The following CCSER1 variants were observed in gnomAD, a reference collection of about 807,000 sequenced individuals.
CCSER1 encodes coiled-coil serine rich protein 1.
A neutral mutation model predicts 82.0 loss-of-function variants in CCSER1; 41 were observed. The observed-to-expected ratio is 0.50, with a 90% CI of 0.39 to 0.65. The LOEUF (loss-of-function observed/expected upper bound fraction) is 0.65, where lower values mean the gene tolerates loss of function less well. Among genes scored for constraint, CCSER1 ranks in the 30% least tolerant of loss-of-function variants. The pLI is 0.00. For synonymous variants in CCSER1, 414 were observed against 383.9 expected (o/e 1.08, Z -0.92); for missense variants, 1,119 against 1,064.2 (o/e 1.05, Z -0.72).
chr4:90,401,908 T>C (rs1173384237), intron 4 of CCSER1, among the ~76,000 whole-genome samples: 1 of 152,234 alleles, frequency 6.6e-6, no homozygotes, highest in East Asian at 1.9e-4. Flanking sequence ...CCAAACCCAC[T>C]GATCAATTCT....
At chr4:91,229,354 T>TAA (rs148204032) in intron 10 of CCSER1, among the ~76,000 whole-genome samples, 177 of 147,058 alleles carry the variant, frequency 1.2e-3, no homozygotes, top group African/African-American at 4.3e-3. Flanking sequence ...TGTTTTGAAT[T>TAA]AAAAAAAAAA....
At chr4:91,228,551 C>T (rs780764217) in intron 10 of CCSER1, among the ~76,000 whole-genome samples, 13 of 151,882 alleles carry the variant, frequency 8.6e-5, no homozygotes, top group Non-Finnish European at 1.6e-4. Context: ...ATATTTCCAG[C>T]ATAAAACACA....
At chr4:90,236,558 A>T (rs770180025) in intron 1 of CCSER1, among the ~76,000 whole-genome samples, 2 of 152,200 alleles carry the variant, frequency 1.3e-5, no homozygotes, top group African/African-American at 2.4e-5. Flanking sequence ...TCCACCTGGG[A>T]TAATAACAAT....
chr4:91,086,114 G>A (rs1723369553), intron 10 of CCSER1, 120 bp downstream of exon 10: 2 of 666,670 alleles, frequency 3.0e-6, no homozygotes. Context: ...ATGCATTGAA[G>A]AGAATGTTGT....
At chr4:90,837,858 T>C (rs1652582818) in intron 8 of CCSER1, among the ~76,000 whole-genome samples, 2 of 152,090 alleles carry the variant, frequency 1.3e-5, no homozygotes, top group Admixed American at 6.5e-5. Context: ...TAACCATGAG[T>C]AAGGATGATA....
intron 10 of CCSER1, among the ~76,000 whole-genome samples, chr4:91,311,848 A>G (rs762875006): frequency 3.3e-5 from 5 of 151,890 alleles, no homozygotes; most frequent in African/African-American, 4.8e-5. Flanking sequence ...CCTTTTGACA[A>G]TAATGCAGAG....
Position 91,567,824 on chromosome 4 carries a change from C to A in CCSER1, c.2218-30748C>A, listed in dbSNP as rs1762964416. On this transcript the variant is annotated intron_variant, in intron 10 of 10. Coordinates refer to ENST00000509176, the MANE Select transcript of CCSER1 (RefSeq NM_001145065.2). ...GAGTCTTGCTTTCATACACAGCTTG[C>A]CACTCTGCATTTTAAATGGGGCATT... is the stretch of plus-strand genomic sequence containing the variant. Among the ~76,000 whole-genome samples the A allele has an allele frequency of 1.3e-5, 2 of 151,996 alleles. 1 individual carries two copies. The highest frequency in any genetic ancestry group is 4.1e-4 in the South Asian group (2 of 4,826).
intron 8 of CCSER1, among the ~76,000 whole-genome samples, chr4:90,839,850 G>A (rs1003026562): frequency 6.6e-6 from 1 of 152,062 alleles, no homozygotes; most frequent in Non-Finnish European, 1.5e-5. Context: ...GAAAGAAAAT[G>A]GTTCCCCCAA....
chr4:90,627,697 G>T (rs934561449), intron 5 of CCSER1, among the ~76,000 whole-genome samples: 9 of 151,832 alleles, frequency 5.9e-5, no homozygotes, highest in Admixed American at 5.3e-4. Context: ...CTACTATCAT[G>T]AGGATGGAAG....
intron 8 of CCSER1, among the ~76,000 whole-genome samples, chr4:90,849,063 T>C (rs1191582046): frequency 6.6e-6 from 1 of 152,152 alleles, no homozygotes; most frequent in African/African-American, 2.4e-5. Flanking sequence ...ATACAGTAAA[T>C]TGGTACTGCA....
chr4:90,400,044 G>A lies in CCSER1; in HGVS notation c.1518G>A (p.Leu506=). Residue 506 remains leucine, a synonymous_variant, in exon 4 of 11, where the codon TTG becomes TTA. Coordinates refer to ENST00000509176, the MANE Select transcript of CCSER1 (RefSeq NM_001145065.2). ...SSSKMNSLDV[L]NNLGSCELDE... Reference sequence around the variant, plus strand: ...TTTTGATTTTTCTTCAGGATGTTTTGAATAATTTGGGATCTTGTGAACTGG... The same window carrying A: ...TTTTGATTTTTCTTCAGGATGTTTTAAATAATTTGGGATCTTGTGAACTGG... 2 of 1,595,818 alleles carry A rather than the reference G, an allele frequency of 1.3e-6. No homozygotes were observed. Among genetic ancestry groups the A allele is most frequent in the Non-Finnish European group, 1.7e-6 (2 of 1,165,604 alleles).
chr4:90,870,546 A>G (rs573877653), intron 8 of CCSER1, among the ~76,000 whole-genome samples: 1 of 151,808 alleles, frequency 6.6e-6, no homozygotes, highest in Non-Finnish European at 1.5e-5. Flanking sequence ...CCACTTGCTC[A>G]TGATGAATGA....
intron 8 of CCSER1, among the ~76,000 whole-genome samples, chr4:90,868,934 A>T (rs1766088536): frequency 6.6e-6 from 1 of 151,978 alleles, no homozygotes; most frequent in South Asian, 2.1e-4. Flanking sequence ...TGGAGTTTTG[A>T]TTTGCATTTC....
At chr4:90,280,931 A>G (rs909097582) in intron 1 of CCSER1, among the ~76,000 whole-genome samples, 1 of 152,024 alleles carries the variant, frequency 6.6e-6, no homozygotes, top group African/African-American at 2.4e-5. Flanking sequence ...ACACAGCCCA[A>G]TGTTAATTCA....
chr4:91,257,311 A>C (rs1740766034), intron 10 of CCSER1, among the ~76,000 whole-genome samples: 1 of 152,216 alleles, frequency 6.6e-6, no homozygotes, highest in South Asian at 2.1e-4. Flanking sequence ...ACAATGAAAT[A>C]TTTGTTTTAT....
At chr4:91,440,412 A>G (rs1432938788) in intron 10 of CCSER1, among the ~76,000 whole-genome samples, 1 of 152,216 alleles carries the variant, frequency 6.6e-6, no homozygotes, top group African/African-American at 2.4e-5. Context: ...GTTCTTTGAA[A>G]CCAATGAGAA....
chr4:90,981,238 A>G (rs1467666815), intron 9 of CCSER1, among the ~76,000 whole-genome samples: 1 of 151,758 alleles, frequency 6.6e-6, no homozygotes, highest in South Asian at 2.1e-4. Flanking sequence ...TCCCCTTTCC[A>G]CTATGAAAAA....
intron 4 of CCSER1, among the ~76,000 whole-genome samples, chr4:90,410,658 A>T (rs920136105): frequency 2.6e-5 from 4 of 152,220 alleles, no homozygotes; most frequent in Non-Finnish European, 5.9e-5. Context: ...ATAGCACTAA[A>T]TGCCCACAAG....
chr4:91,139,295 T>C (rs1470640950), intron 10 of CCSER1, among the ~76,000 whole-genome samples: 3 of 152,108 alleles, frequency 2.0e-5, no homozygotes, highest in Non-Finnish European at 4.4e-5. Flanking sequence ...CAGTCCACCA[T>C]TGATGGGAAA....
Sources: gnomAD v4.1 joint callset for allele counts (sites outside exome capture counted in the v4.1 genomes callset) on GRCh38, gnomAD v4.1.1 for gene constraint, MANE v1.5 for transcripts, NCBI Gene and HGNC (gene_info 2026-07-23, HGNC 2026-07-21) for gene names.